TENM2: variants seen among roughly 807,000 people sequenced by gnomAD.
The protein encoded by TENM2 is teneurin-2.
In TENM2, 52 loss-of-function variants were observed where a neutral mutation model predicts 245.2. The ratio of observed to expected loss-of-function variants is 0.21; its 90% CI spans 0.17 to 0.27. The LOEUF is 0.27. TENM2 is among the 10% of genes least tolerant of loss of function. The probability of loss-of-function intolerance (pLI) is 1.00; values close to 1 mark genes in which losing one functional copy is unlikely to be tolerated. For synonymous variants in TENM2, 1,363 were observed against 1,438.9 expected (o/e 0.95, Z 1.19); for missense variants, 3,046 against 3,666.8 (o/e 0.83, Z 4.37).
intron 2 of TENM2, among the ~76,000 whole-genome samples, chr5:167,566,597 C>T (rs572615494): frequency 3.9e-5 from 6 of 152,146 alleles, no homozygotes; most frequent in Non-Finnish European, 8.8e-5. Context: ...AAACCTGTAG[C>T]AGTGAATGCG....
At chr5:168,106,798 C>T (rs145908319) in intron 9 of TENM2, among the ~76,000 whole-genome samples, 2,082 of 152,292 alleles carry the variant, frequency 0.014, 50 homozygotes, top group African/African-American at 0.048. Context: ...CAGTGGCTCA[C>T]GCCTGTAATC....
chr5:167,994,362 C>G (rs1225423268), intron 5 of TENM2, among the ~76,000 whole-genome samples: 2 of 152,196 alleles, frequency 1.3e-5, no homozygotes, highest in Non-Finnish European at 2.9e-5. Context: ...CCTCCCTTCT[C>G]GCTCAGCACT....
chr5:167,602,345 C>T (rs1399880284), intron 2 of TENM2, among the ~76,000 whole-genome samples: 1 of 152,184 alleles, frequency 6.6e-6, no homozygotes. Flanking sequence ...ATGAAACCCA[C>T]TGCTGGCCAT....
At chr5:168,082,115 A>G (rs1439246248) in intron 7 of TENM2, among the ~76,000 whole-genome samples, 1 of 152,222 alleles carries the variant, frequency 6.6e-6, no homozygotes, top group East Asian at 1.9e-4. Context: ...TATTTCTTGG[A>G]GGCTTTGTTT....
rs772318555 is a variant in TENM2, at chr5:167,573,500, G to GTC, written c.502+198046_502+198047dup. Among the ~76,000 whole-genome samples, 930 of 133,764 alleles carry GTC rather than the reference G, an allele frequency of 7.0e-3. 8 individuals are homozygous for GTC. The highest frequency in any genetic ancestry group is 0.019 in the African/African-American group (664 of 35,656). 87.8% of individuals were successfully genotyped at this position (133,764 alleles called of 152,430 possible). On this transcript the variant is annotated intron_variant, in intron 2 of 28. Coordinates refer to ENST00000518659, the Ensembl canonical transcript of TENM2. ...CCGCTCTCTTTTCTTGATGTTCTCTGTCTCTCTCTCTCTCTCTCTCCCCCT... is the reference window on the plus strand; with the variant it reads ...CCGCTCTCTTTTCTTGATGTTCTCTGTCTCTCTCTCTCTCTCTCTCTCCCCCT...
chr5:167,648,503 A>G (rs1423938223), intron 2 of TENM2, among the ~76,000 whole-genome samples: 1 of 152,188 alleles, frequency 6.6e-6, no homozygotes, highest in African/African-American at 2.4e-5. Flanking sequence ...AGAAACCTAG[A>G]TCATCCTAGA....
chr5:167,900,262 A>T (rs1454496745), intron 3 of TENM2, among the ~76,000 whole-genome samples: 1 of 152,022 alleles, frequency 6.6e-6, no homozygotes, highest in Admixed American at 6.6e-5. Flanking sequence ...ATGAAACAGC[A>T]TTGGGACTTC....
At chr5:167,314,153 G>A (rs1310114251) in intron 1 of TENM2, among the ~76,000 whole-genome samples, 3 of 152,056 alleles carry the variant, frequency 2.0e-5, no homozygotes, top group African/African-American at 4.8e-5. Flanking sequence ...AATTATACAA[G>A]TGTGGGCTCC....
chr5:167,071,253 T>C, the TENM2 span, among the ~76,000 whole-genome samples: 1 of 152,232 alleles, frequency 6.6e-6, no homozygotes, highest in African/African-American at 2.4e-5. Flanking sequence ...ATTGTGGCTC[T>C]TAATAGCATT....
At chr5:167,909,971 A>AT (rs1482773709) in intron 3 of TENM2, among the ~76,000 whole-genome samples, 1 of 147,330 alleles carries the variant, frequency 6.8e-6, no homozygotes, top group East Asian at 2.0e-4. Flanking sequence ...CTGTGTCAAT[A>AT]TTTTTTTTGA....
intron 1 of TENM2, among the ~76,000 whole-genome samples, chr5:167,361,125 T>G (rs899532987): frequency 6.6e-6 from 1 of 152,170 alleles, no homozygotes; most frequent in Non-Finnish European, 1.5e-5. Context: ...TAGAAAACAT[T>G]ATGATATCAC....
chr5:167,787,835 T>C (rs1764688736), intron 2 of TENM2, among the ~76,000 whole-genome samples: 1 of 152,116 alleles, frequency 6.6e-6, no homozygotes. Context: ...TAGAGGATTG[T>C]TGGTGAAGGT....
intron 2 of TENM2, among the ~76,000 whole-genome samples, chr5:167,832,099 ATAAC>A (rs528453107): frequency 2.6e-5 from 4 of 152,234 alleles, no homozygotes; most frequent in African/African-American, 4.8e-5. Flanking sequence ...ACCAAATCCA[ATAAC>A]TAACTGTTTG....
At chr5:168,025,986 A>G (rs934227085) in intron 5 of TENM2, among the ~76,000 whole-genome samples, 4 of 152,174 alleles carry the variant, frequency 2.6e-5, no homozygotes, top group Admixed American at 2.6e-4. Context: ...GCGATGGGGA[A>G]CTGGGAAAAA....
the TENM2 span, among the ~76,000 whole-genome samples, chr5:167,181,466 T>TGGTGTG: frequency 9.8e-5 from 12 of 122,600 alleles, no homozygotes; most frequent in African/African-American, 3.9e-4. Flanking sequence ...AGCCGCTCGT[T>TGGTGTG]TGTGTGTGTG....
intron 1 of TENM2, among the ~76,000 whole-genome samples, chr5:167,338,956 C>T (rs892206138): frequency 6.6e-6 from 1 of 152,144 alleles, no homozygotes; most frequent in Non-Finnish European, 1.5e-5. Context: ...CTTAATCATT[C>T]CCTATTTCCA....
chr5:167,090,852 A>G, the TENM2 span, among the ~76,000 whole-genome samples: 2 of 149,836 alleles, frequency 1.3e-5, no homozygotes, highest in South Asian at 2.1e-4. Flanking sequence ...AGATTCTAAA[A>G]TGTATATTGG....
chr5:167,530,485 T>C (rs1041280853), intron 2 of TENM2, among the ~76,000 whole-genome samples: 1 of 152,196 alleles, frequency 6.6e-6, no homozygotes, highest in Non-Finnish European at 1.5e-5. Context: ...GGATGTTTTT[T>C]AGACCCTTAT....
intron 2 of TENM2, among the ~76,000 whole-genome samples, chr5:167,724,854 A>G (rs1454603134): frequency 6.6e-6 from 1 of 152,120 alleles, no homozygotes; most frequent in East Asian, 1.9e-4. Flanking sequence ...TCGTAGTGAG[A>G]GTGGTATTAA....
Sources: gnomAD v4.1 joint callset for allele counts (sites outside exome capture counted in the v4.1 genomes callset) on GRCh38, gnomAD v4.1.1 for gene constraint, MANE v1.5 for transcripts, NCBI Gene and HGNC (gene_info 2026-07-23, HGNC 2026-07-21) for gene names.